The following CRACDL variants were observed in gnomAD, a reference collection of about 807,000 sequenced individuals.
CRACDL encodes the protein CRACD like.
In CRACDL, 26 loss-of-function variants were observed where a neutral mutation model predicts 70.6. That is an observed-to-expected ratio of 0.37 (90% CI 0.27 to 0.51). The LOEUF (loss-of-function observed/expected upper bound fraction) is 0.51, where lower values mean the gene tolerates loss of function less well. CRACDL is among the 20% of genes least tolerant of loss of function. The pLI is 0.94. For missense variants in CRACDL, 1,283 were observed against 1,376.9 expected (o/e 0.93, Z 1.08); for synonymous variants, 618 against 615.2 (o/e 1.00, Z -0.07).
At chr2:98,915,941 G>A (rs1021401205) in intron 1 of CRACDL, among the ~76,000 whole-genome samples, 1 of 152,202 alleles carries the variant, frequency 6.6e-6, no homozygotes, top group African/African-American at 2.4e-5. Context: ...ACGAATGACA[G>A]CCCAGGTGCC....
At chr2:98,933,661 C>A (rs1452518453) in intron 1 of CRACDL, among the ~76,000 whole-genome samples, 1 of 152,144 alleles carries the variant, frequency 6.6e-6, no homozygotes, top group East Asian at 1.9e-4. Flanking sequence ...AGCCAGCCTG[C>A]AGGGGAAGAG....
At chr2:98,878,159 A>G (rs1040450946) in intron 1 of CRACDL, among the ~76,000 whole-genome samples, 7 of 152,034 alleles carry the variant, frequency 4.6e-5, no homozygotes, top group African/African-American at 1.7e-4. Context: ...GTTGGCCAGG[A>G]TGGTCTCAAA....
intron 1 of CRACDL, among the ~76,000 whole-genome samples, chr2:98,916,951 C>T (rs1203137229): frequency 6.6e-6 from 1 of 152,246 alleles, no homozygotes; most frequent in Non-Finnish European, 1.5e-5. Context: ...CACCCAGTAT[C>T]TGCTCAATCA....
chr2:98,818,368 C>T (rs1179422290), intron 7 of CRACDL, among the ~76,000 whole-genome samples: 1 of 152,174 alleles, frequency 6.6e-6, no homozygotes, highest in African/African-American at 2.4e-5. Context: ...TGAAGCGTCC[C>T]TCCATTCCTT....
At chr2:98,926,029 C>A (rs1708902501) in intron 1 of CRACDL, among the ~76,000 whole-genome samples, 1 of 152,024 alleles carries the variant, frequency 6.6e-6, no homozygotes, top group Admixed American at 6.5e-5. Flanking sequence ...TTTTTAAGAT[C>A]TCATTTTATA....
chr2:98,866,490 T>TTTC, intron 1 of CRACDL, among the ~76,000 whole-genome samples: 2 of 137,884 alleles, frequency 1.5e-5, no homozygotes, highest in Non-Finnish European at 3.1e-5. Context: ...TTTTTTTTTT[T>TTTC]TTTTTTTTTT....
chr2:98,890,250 C>T (rs1707926276), intron 1 of CRACDL, among the ~76,000 whole-genome samples: 1 of 152,022 alleles, frequency 6.6e-6, no homozygotes, highest in African/African-American at 2.4e-5. Flanking sequence ...AATCAACAAA[C>T]CTTTAGTTAG....
chr2:98,879,047 C>T (rs887505289), intron 1 of CRACDL, among the ~76,000 whole-genome samples: 4 of 152,194 alleles, frequency 2.6e-5, no homozygotes, highest in Non-Finnish European at 5.9e-5. Flanking sequence ...GAAATCTTCC[C>T]GCTGCCCTGG....
Position 98,879,609 on chromosome 2 carries a change from C to T in CRACDL, c.-10-32799G>A, listed in dbSNP as rs536429152. ...TGTTGCCTAGGCTGGAGTGCAGTGG[C>T]GCAATCTCGGCTCACTGCAACCTTT... On this transcript the variant is annotated intron_variant, in intron 1 of 9. Transcript: ENST00000397899. Among the ~76,000 whole-genome samples the T allele has an allele frequency of 6.2e-4, 94 of 152,294 alleles. 1 individual carries two copies. The highest frequency in any genetic ancestry group is 6.8e-3 in the Middle Eastern group (2 of 294).
intron 1 of CRACDL, among the ~76,000 whole-genome samples, chr2:98,909,005 G>A (rs377431715): frequency 2.6e-5 from 4 of 152,188 alleles, no homozygotes; most frequent in East Asian, 1.9e-4. Flanking sequence ...GCCCAGCCCC[G>A]TGTTTAAAAG....
At chr2:98,935,202 G>C (rs1201879915) in intron 1 of CRACDL, among the ~76,000 whole-genome samples, 1 of 152,134 alleles carries the variant, frequency 6.6e-6, no homozygotes, top group African/African-American at 2.4e-5. Context: ...GGGTAACACA[G>C]CTGCCTGTCT....
chr2:98,839,647 T>G (rs2104519136), intron 2 of CRACDL, among the ~76,000 whole-genome samples: 1 of 152,374 alleles, frequency 6.6e-6, no homozygotes. Context: ...GCCATCCATT[T>G]GTTCAAACTA....
At chr2:98,844,103 T>C (rs1054254506) in intron 2 of CRACDL, among the ~76,000 whole-genome samples, 2 of 152,246 alleles carry the variant, frequency 1.3e-5, no homozygotes, top group African/African-American at 4.8e-5. Flanking sequence ...TTGAGCTAAC[T>C]GTATGTCTGT....
chr2:98,869,319 G>C (rs572748049), intron 1 of CRACDL: 1 of 1,198,948 alleles, frequency 8.3e-7, no homozygotes, highest in African/African-American at 1.6e-5. Context: ...CAGCCCTCCT[G>C]TGCCCCGTGA....
At position 98,935,987 on chromosome 2, in the gene CRACDL, C is replaced by G. The variant is rs2104717783; in HGVS notation, c.-60G>C. 6.6e-6 allele frequency: 1 copy of G among 152,256 alleles called. No individual in the cohort carries two copies. Among genetic ancestry groups the G allele is most frequent in the Admixed American group, 6.5e-5 (1 of 15,300 alleles). The allele number at this position is 152,256 out of a possible 1,614,324, so 9.4% of individuals were successfully genotyped here. A position where few individuals can be genotyped will look rare whatever the true frequency, so the allele number is the denominator to read the frequency against. On this transcript the variant is annotated 5_prime_UTR_variant, in exon 1 of 10. Transcript: ENST00000397899. ...TCGGCGAGACGCGCAGAGAAGGGCA[C>G]CTTCCGCGGGGTGCGGCGAGCCGGG...
chr2:98,897,053 A>C (rs1708144315), intron 1 of CRACDL, among the ~76,000 whole-genome samples: 4 of 152,194 alleles, frequency 2.6e-5, no homozygotes, highest in Admixed American at 2.6e-4. Context: ...CAGCACAGTC[A>C]GGATGCAGAA....
chr2:98,911,462 C>T (rs947109964), intron 1 of CRACDL, among the ~76,000 whole-genome samples: 12 of 152,194 alleles, frequency 7.9e-5, no homozygotes, highest in Non-Finnish European at 1.0e-4. Flanking sequence ...GCAAGGTCCC[C>T]GCTCTCAGAC....
At chr2:98,863,777 T>C (rs1376172785) in intron 1 of CRACDL, among the ~76,000 whole-genome samples, 6 of 152,188 alleles carry the variant, frequency 3.9e-5, no homozygotes, top group Non-Finnish European at 5.9e-5. Flanking sequence ...TATCAGGACA[T>C]AACCCCATCG....
intron 1 of CRACDL, among the ~76,000 whole-genome samples, chr2:98,865,185 C>T (rs1278398925): frequency 1.3e-5 from 2 of 152,082 alleles, no homozygotes; most frequent in African/African-American, 4.8e-5. Context: ...CGTTTCCTTC[C>T]AGCTTGGAGC....
Sources: gnomAD v4.1 joint callset for allele counts (sites outside exome capture counted in the v4.1 genomes callset) on GRCh38, gnomAD v4.1.1 for gene constraint, MANE v1.5 for transcripts, NCBI Gene and HGNC (gene_info 2026-07-23, HGNC 2026-07-21) for gene names.